Variants in SULF1 observed in about 807,000 individuals in gnomAD.
SULF1 encodes sulfatase 1.
Under a neutral mutation model 110.5 loss-of-function variants are expected in SULF1, and 46 were observed. The observed-to-expected ratio is 0.42, with a 90% CI of 0.33 to 0.53. SULF1 has a LOEUF of 0.53. Ranked by LOEUF, SULF1 falls within the 20% of genes least tolerant of loss-of-function variation. SULF1 has a pLI of 0.12. For synonymous variants in SULF1, 371 were observed against 387.1 expected (o/e 0.96, Z 0.49); for missense variants, 941 against 1,094.2 (o/e 0.86, Z 1.98).
chr8:69,547,215 C>T (rs1814327959), intron 3 of SULF1, among the ~76,000 whole-genome samples: 1 of 152,120 alleles, frequency 6.6e-6, no homozygotes, highest in Non-Finnish European at 1.5e-5. Context: ...CTAATAACAC[C>T]TGCTCTAATT....
chr8:69,578,945 C>T (rs922689774), intron 6 of SULF1, among the ~76,000 whole-genome samples: 3 of 151,722 alleles, frequency 2.0e-5, no homozygotes, highest in Non-Finnish European at 4.4e-5. Context: ...TGGCGGATCA[C>T]GAGGTCAGGA....
At chr8:69,560,973 G>A (rs1357706842) in intron 3 of SULF1, among the ~76,000 whole-genome samples, 5 of 152,154 alleles carry the variant, frequency 3.3e-5, no homozygotes, top group South Asian at 2.1e-4. Flanking sequence ...ATTGAATGTT[G>A]GTGGTGGTGG....
chr8:69,517,582 G>A (rs1812016997), intron 3 of SULF1, among the ~76,000 whole-genome samples: 1 of 152,014 alleles, frequency 6.6e-6, no homozygotes, highest in East Asian at 1.9e-4. Context: ...AATGGGTGGG[G>A]GCAAAATGAA....
In SULF1 at chr8:69,564,102, C is replaced by G. The variant is rs774082875; in HGVS notation, c.127C>G (p.Pro43Ala). Residue 43 changes from proline to alanine, a missense_variant, in exon 5 of 23, where the codon CCC becomes GCC. Physicochemically the swap from Pro to Ala is conservative, Grantham distance 27. Coordinates refer to ENST00000402687, the MANE Select transcript of SULF1 (RefSeq NM_001128205.2). ...RIQQERKNIR[P>A]NIILVLTDDQ... is the part of the protein sequence containing the mutation. The stretch of plus-strand genomic sequence containing the variant: ...ACAGCAGGAACGAAAAAACATCCGA[C>G]CCAACATTATTCTTGTGCTTACCGA... The G allele has an allele frequency of 6.2e-7, 1 of 1,614,154 alleles. No homozygotes were observed. The highest frequency in any genetic ancestry group is 1.7e-5 in the Admixed American group (1 of 60,024).
In SULF1 at chr8:69,563,904, C is replaced by A. The variant is rs1186081662; in HGVS notation, c.-60-12C>A. 2.6e-6 allele frequency: 4 copies of A among 1,521,932 alleles called. No individual in the cohort carries two copies. Among genetic ancestry groups the A allele is most frequent in the Non-Finnish European group, 3.6e-6 (4 of 1,109,246 alleles). 94.3% of individuals were successfully genotyped at this position (1,521,932 alleles called of 1,614,324 possible). On this transcript the variant is annotated splice_polypyrimidine_tract_variant and intron_variant, in intron 4 of 22. Transcript: ENST00000402687. ...TTAGTCTCACCGTCTCCGTTTTTCT[C>A]TGACTGCCCAGAACTCCAGAAATCA...
intron 22 of SULF1, among the ~76,000 whole-genome samples, chr8:69,647,888 G>A (rs1020109922): frequency 6.6e-6 from 1 of 151,660 alleles, no homozygotes. Flanking sequence ...GTGATACTCT[G>A]TCTCAAAAAA....
intron 3 of SULF1, among the ~76,000 whole-genome samples, chr8:69,543,751 G>C (rs1814026060): frequency 6.6e-6 from 1 of 152,022 alleles, no homozygotes; most frequent in African/African-American, 2.4e-5. Flanking sequence ...TAGCCCAATT[G>C]ATTCTCTAGA....
chr8:69,635,380 G>T (rs1270726133), intron 19 of SULF1, among the ~76,000 whole-genome samples: 1 of 152,242 alleles, frequency 6.6e-6, no homozygotes, highest in Non-Finnish European at 1.5e-5. Context: ...TATGGTGAGA[G>T]AGGTTATGTA....
intron 19 of SULF1, 45 bp downstream of exon 19, chr8:69,629,724 A>G: frequency 6.7e-7 from 1 of 1,486,298 alleles, no homozygotes; most frequent in Non-Finnish European, 9.1e-7. Flanking sequence ...CCATGCAGAG[A>G]CAGCGACTCA....
Position 69,629,585 on chromosome 8 carries a change from G to C in SULF1, c.2190G>C (p.Lys730Asn). The change falls in exon 19 of 23, where the codon AAG becomes AAC. Residue 730 changes from lysine (K) to asparagine (N), a missense_variant. Transcript: ENST00000402687. ...GGAGGAAGAAGGAGAGGAAGGAGAA[G>C]AGACGGCAGAGGAAGGGGGAAGAGT... ...NRRRKKERKEKRRQRKGEECS... is the reference protein window; with the variant it reads ...NRRRKKERKENRRQRKGEECS... 1 of 1,614,112 alleles carries C rather than the reference G, an allele frequency of 6.2e-7. No homozygotes were observed. The highest frequency in any genetic ancestry group is 1.3e-5 in the African/African-American group (1 of 75,046).
chr8:69,540,307 A>T (rs1384039699), intron 3 of SULF1, among the ~76,000 whole-genome samples: 1 of 152,248 alleles, frequency 6.6e-6, no homozygotes, highest in Non-Finnish European at 1.5e-5. Context: ...TTTTCTACAA[A>T]TAGAGAACAA....
At chr8:69,534,303 A>G (rs1019429604) in intron 3 of SULF1, among the ~76,000 whole-genome samples, 3 of 152,244 alleles carry the variant, frequency 2.0e-5, no homozygotes, top group African/African-American at 7.2e-5. Context: ...ATAATATTAC[A>G]TCTTTATAGT....
chr8:69,576,789 G>A (rs911884036), intron 6 of SULF1, among the ~76,000 whole-genome samples: 1 of 152,296 alleles, frequency 6.6e-6, no homozygotes, highest in Non-Finnish European at 1.5e-5. Flanking sequence ...AGGGCACAAC[G>A]TTGTTCGTAG....
At chr8:69,565,658 A>G (rs557623790) in intron 5 of SULF1, among the ~76,000 whole-genome samples, 46 of 152,012 alleles carry the variant, frequency 3.0e-4, no homozygotes, top group African/African-American at 9.4e-4. Flanking sequence ...CCTTCACTCA[A>G]TTGCCAGAGT....
intron 19 of SULF1, among the ~76,000 whole-genome samples, chr8:69,632,588 A>C (rs993366544): frequency 7.2e-5 from 11 of 152,212 alleles, no homozygotes; most frequent in African/African-American, 2.4e-4. Context: ...AAGAAAAGTC[A>C]AATCCACCCA....
intron 3 of SULF1, among the ~76,000 whole-genome samples, chr8:69,548,486 C>G (rs991218712): frequency 1.3e-5 from 2 of 150,112 alleles, no homozygotes; most frequent in Admixed American, 1.3e-4. Context: ...CACTCTGTCG[C>G]TCAAGCTAGA....
chr8:69,554,462 G>A (rs1019740735), intron 3 of SULF1, among the ~76,000 whole-genome samples: 2 of 152,076 alleles, frequency 1.3e-5, no homozygotes, highest in Non-Finnish European at 2.9e-5. Context: ...CTTCATAAAG[G>A]TTACTTTTTT....
chr8:69,532,704 G>A (rs1190220187), intron 3 of SULF1, among the ~76,000 whole-genome samples: 5 of 152,120 alleles, frequency 3.3e-5, no homozygotes, highest in African/African-American at 1.2e-4. Context: ...GTTTTTTGTT[G>A]TTGTTTTTAC....
intron 8 of SULF1, among the ~76,000 whole-genome samples, chr8:69,593,135 C>T (rs1298682874): frequency 6.6e-6 from 1 of 152,160 alleles, no homozygotes; most frequent in African/African-American, 2.4e-5. Context: ...GAATTCCTGG[C>T]ATCTTTGCTG....
Sources: gnomAD v4.1 joint callset for allele counts (sites outside exome capture counted in the v4.1 genomes callset) on GRCh38, gnomAD v4.1.1 for gene constraint, MANE v1.5 for transcripts, NCBI Gene and HGNC (gene_info 2026-07-23, HGNC 2026-07-21) for gene names.